SLC1A1: variants seen among roughly 807,000 people sequenced by gnomAD.
SLC1A1 encodes excitatory amino acid transporter 3.
SLC1A1 carries 43 observed loss-of-function variants against 53.3 expected under a neutral mutation model. The ratio of observed to expected loss-of-function variants is 0.81; its 90% CI spans 0.63 to 1.04. The LOEUF (loss-of-function observed/expected upper bound fraction) is 1.04, where lower values mean the gene tolerates loss of function less well. Ranked by LOEUF, SLC1A1 falls within the 50% of genes least tolerant of loss-of-function variation. The pLI is 0.00. For synonymous variants in SLC1A1, 307 were observed against 243.2 expected (o/e 1.26, Z -2.44); for missense variants, 748 against 664.9 (o/e 1.12, Z -1.37).
intron 1 of SLC1A1, among the ~76,000 whole-genome samples, chr9:4,534,171 C>T (rs1258224299): frequency 6.6e-6 from 1 of 152,050 alleles, no homozygotes; most frequent in Non-Finnish European, 1.5e-5. Flanking sequence ...AGAGCAAACA[C>T]ATTCAAAAGC....
At chr9:4,567,480 TC>T (rs771689420) in intron 5 of SLC1A1, among the ~76,000 whole-genome samples, 188 bp from the exon 6 acceptor site, 2 of 152,160 alleles carry the variant, frequency 1.3e-5, no homozygotes, top group Non-Finnish European at 2.9e-5. Flanking sequence ...GGTTTAAATT[TC>T]TGCCTCGCTT....
chr9:4,554,742 C>A (rs1564031591), intron 2 of SLC1A1, among the ~76,000 whole-genome samples: 1 of 152,118 alleles, frequency 6.6e-6, no homozygotes, highest in Non-Finnish European at 1.5e-5. Flanking sequence ...ATCTTCAGTG[C>A]CATTGAAGGG....
chr9:4,527,060 C>A (rs540498972), intron 1 of SLC1A1, among the ~76,000 whole-genome samples: 1 of 152,276 alleles, frequency 6.6e-6, no homozygotes, highest in Admixed American at 6.5e-5. Context: ...GCCCATCCTG[C>A]TGACTCTGAA....
Position 4,583,263 on chromosome 9 carries a change from A to C in SLC1A1, c.1328+91A>C. On this transcript the variant is annotated intron_variant, in intron 11 of 11. Coordinates refer to ENST00000262352, the MANE Select transcript of SLC1A1 (RefSeq NM_004170.6). The surrounding 1 kb of genome is among the most constrained non-coding windows in gnomAD (Gnocchi z 4.6). Reference sequence around the variant, plus strand: ...TGCAGTCTGTCATCATTCTCTCCTCAGATTGCCTAATGAGCCACCTGTTGC... The same window carrying C: ...TGCAGTCTGTCATCATTCTCTCCTCCGATTGCCTAATGAGCCACCTGTTGC... The C allele has an allele frequency of 1.3e-6, 2 of 1,531,530 alleles. No homozygotes were observed. 94.9% of individuals were successfully genotyped at this position (1,531,530 alleles called of 1,614,324 possible). A position where few individuals can be genotyped will look rare whatever the true frequency, so the allele number is the denominator to read the frequency against.
chr9:4,544,215 G>C (rs941451223), intron 1 of SLC1A1, among the ~76,000 whole-genome samples: 1 of 152,070 alleles, frequency 6.6e-6, no homozygotes, highest in Non-Finnish European at 1.5e-5. Context: ...TCTGCAGGTA[G>C]AAAAAGGTGG....
chr9:4,494,480 T>G (rs1000088724), intron 1 of SLC1A1, among the ~76,000 whole-genome samples: 1 of 152,094 alleles, frequency 6.6e-6, no homozygotes, highest in African/African-American at 2.4e-5. Context: ...CTGCTTAGTG[T>G]CCCGCCTATA....
At chr9:4,554,314 C>T (rs1038453106) in intron 2 of SLC1A1, 1 of 152,200 alleles carries the variant, frequency 6.6e-6, no homozygotes, top group African/African-American at 2.4e-5. Flanking sequence ...TGAGCATCTC[C>T]TATGTGCTGG....
At chr9:4,498,908 G>C (rs902949671) in intron 1 of SLC1A1, among the ~76,000 whole-genome samples, 1 of 144,492 alleles carries the variant, frequency 6.9e-6, no homozygotes, top group East Asian at 2.0e-4. Context: ...TATATTACAT[G>C]TATACATACA....
At chr9:4,582,020 A>G (rs1184693253) in intron 10 of SLC1A1, among the ~76,000 whole-genome samples, 1 of 152,196 alleles carries the variant, frequency 6.6e-6, no homozygotes, top group Non-Finnish European at 1.5e-5. Flanking sequence ...CTTTCAACAC[A>G]GTGGAACCCG....
chr9:4,567,685 A>C lies in SLC1A1; in HGVS notation c.500A>C (p.Glu167Ala). The C allele has an allele frequency of 6.2e-7, 1 of 1,611,998 alleles. No homozygotes were observed. Among genetic ancestry groups the C allele is most frequent in the Non-Finnish European group, 8.5e-7 (1 of 1,178,256 alleles). The change falls in exon 6 of 12, where the codon GAA becomes GCA. Residue 167 changes from glutamate (E) to alanine (A), a missense_variant. By Grantham distance (107) the Glu-to-Ala change is moderately radical. Coordinates refer to ENST00000262352, the MANE Select transcript of SLC1A1 (RefSeq NM_004170.6). The stretch of plus-strand genomic sequence containing the variant: ...AACATGCAGTACAAAACTAAGCGTG[A>C]AGAAGTGAAGCCTCCCAGCGATCCA... ...ACFQQYKTKR[E>A]EVKPPSDPEM...
intron 7 of SLC1A1, among the ~76,000 whole-genome samples, chr9:4,573,555 G>C (rs1393464497): frequency 6.6e-6 from 1 of 152,204 alleles, no homozygotes; most frequent in Non-Finnish European, 1.5e-5. Context: ...ATTTGGCAGT[G>C]AGGGTCAAGC....
At chr9:4,517,875 G>A (rs1301653678) in intron 1 of SLC1A1, among the ~76,000 whole-genome samples, 1 of 152,012 alleles carries the variant, frequency 6.6e-6, no homozygotes, top group African/African-American at 2.4e-5. Flanking sequence ...AGCCTTGTAC[G>A]TTTGCAGTCT....
At chr9:4,500,499 C>G (rs886330161) in intron 1 of SLC1A1, among the ~76,000 whole-genome samples, 1 of 152,116 alleles carries the variant, frequency 6.6e-6, no homozygotes, top group Non-Finnish European at 1.5e-5. Context: ...TTAGTAGAGA[C>G]GGGGTTTCAC....
intron 3 of SLC1A1, 84 bp from the exon 4 acceptor site, chr9:4,564,260 C>T: frequency 1.1e-6 from 1 of 911,204 alleles, no homozygotes; most frequent in Non-Finnish European, 1.8e-6. Flanking sequence ...CTGGTACAAC[C>T]ATGCCCATTG....
intron 1 of SLC1A1, among the ~76,000 whole-genome samples, chr9:4,498,830 G>A (rs1231299117): frequency 1.3e-5 from 2 of 149,630 alleles, no homozygotes; most frequent in African/African-American, 4.9e-5. Flanking sequence ...GTGTGTGTGT[G>A]TGTATATATA....
intron 10 of SLC1A1, among the ~76,000 whole-genome samples, chr9:4,580,564 G>A (rs1057117436): frequency 1.3e-5 from 2 of 149,712 alleles, no homozygotes; most frequent in Non-Finnish European, 2.9e-5. Context: ...CTGGGCAACA[G>A]AGTGAGACCT....
intron 10 of SLC1A1, among the ~76,000 whole-genome samples, chr9:4,578,531 G>A (rs1235276458): frequency 6.6e-6 from 1 of 152,176 alleles, no homozygotes; most frequent in Non-Finnish European, 1.5e-5. Context: ...CCAAGAGGGA[G>A]AGGGAGAAGG....
At chr9:4,491,555 A>T (rs1427421078) in intron 1 of SLC1A1, among the ~76,000 whole-genome samples, 1 of 152,252 alleles carries the variant, frequency 6.6e-6, no homozygotes, top group Non-Finnish European at 1.5e-5. Context: ...TCCACCCCTC[A>T]CAGATCACTG....
intron 1 of SLC1A1, among the ~76,000 whole-genome samples, chr9:4,540,394 T>C (rs1262385672): frequency 6.6e-6 from 1 of 152,110 alleles, no homozygotes; most frequent in Non-Finnish European, 1.5e-5. Context: ...CTAAAGGCTG[T>C]CACACTGACC....
Sources: allele counts gnomAD v4.1 joint callset (sites outside exome capture counted in the v4.1 genomes callset), GRCh38; gene constraint gnomAD v4.1.1; non-coding constraint Gnocchi (gnomAD v3.1); transcripts MANE v1.5; gene names NCBI Gene and HGNC (gene_info 2026-07-23, HGNC 2026-07-21).